DYNC1H1: variants seen among roughly 807,000 people sequenced by gnomAD.
DYNC1H1 encodes the protein cytoplasmic dynein 1 heavy chain 1.
A neutral mutation model predicts 527.1 loss-of-function variants in DYNC1H1; 51 were observed. The ratio of observed to expected loss-of-function variants is 0.10; its 90% CI spans 0.08 to 0.12. DYNC1H1 has a LOEUF of 0.12. Ranked by LOEUF, DYNC1H1 falls within the 10% of genes least tolerant of loss-of-function variation. DYNC1H1 has a pLI of 1.00. For missense variants in DYNC1H1, 2,771 were observed against 5,971.8 expected, an observed-to-expected ratio of 0.46 and a Z score of 17.66; for synonymous variants, 2,189 against 2,278.8, an observed-to-expected ratio of 0.96 and a Z score of 1.12.
intron 69 of DYNC1H1, chr14:102,043,601 T>G: frequency 2.0e-6 from 1 of 497,218 alleles, no homozygotes. Context: ...CTGTTCTATT[T>G]TGTGCCACAT....
Position 101,964,691 on chromosome 14 carries a change from C to G in DYNC1H1, c.-1C>G, listed in dbSNP as rs1406415488. On this transcript the variant is annotated 5_prime_UTR_variant, in exon 1 of 78. Coordinates refer to ENST00000360184, the MANE Select transcript of DYNC1H1 (RefSeq NM_001376.5). The surrounding 1 kb of genome is among the most constrained non-coding windows in gnomAD (Gnocchi z 5.5). ...TCCTGGAAGGTCCCGAGCGCGACAC[C>G]ATGTCGGAGCCCGGGGGCGGCGGCG... 2.5e-6 allele frequency: 4 copies of G among 1,589,554 alleles called. No homozygotes were observed. Among genetic ancestry groups the G allele is most frequent in the Non-Finnish European group, 3.4e-6 (4 of 1,173,286 alleles).
chr14:102,047,995 G>A lies in DYNC1H1; in HGVS notation c.13185G>A (p.Leu4395=). 1 of 1,612,150 alleles carries A rather than the reference G, an allele frequency of 6.2e-7. No individual in the cohort carries two copies. Among genetic ancestry groups the A allele is most frequent in the Admixed American group, 1.7e-5 (1 of 60,004 alleles). Residue 4395 remains leucine, a synonymous_variant, in exon 73 of 78, where the codon CTG becomes CTA. Coordinates refer to ENST00000360184, the MANE Select transcript of DYNC1H1 (RefSeq NM_001376.5). ...SNWLHLIPQT[L]SHLKRTVENI... The stretch of plus-strand genomic sequence containing the variant: ...GGCTGCACCTCATCCCCCAGACGCT[G>A]AGCCACCTCAAGCGCACCGTGGAGA...
At chr14:102,007,313 C>A (rs1393094438) in intron 28 of DYNC1H1, among the ~76,000 whole-genome samples, 2 of 152,158 alleles carry the variant, frequency 1.3e-5, no homozygotes, top group African/African-American at 4.8e-5. Context: ...ACTTCAGTTT[C>A]ATGTTTTCAA....
chr14:102,008,411 C>T, intron 29 of DYNC1H1, 74 bp downstream of exon 29: 1 of 1,563,930 alleles, frequency 6.4e-7, no homozygotes, highest in South Asian at 1.2e-5. Flanking sequence ...TTTTCTACCT[C>T]TTGGATTAGA....
intron 11 of DYNC1H1, among the ~76,000 whole-genome samples, chr14:101,993,444 G>T (rs1406428000): frequency 6.6e-6 from 1 of 152,170 alleles, no homozygotes; most frequent in African/African-American, 2.4e-5. Context: ...CAAAGCCCCA[G>T]TGGCTTGCTG....
In DYNC1H1 at chr14:102,017,543, A is replaced by G. The variant is rs1346629070; in HGVS notation, c.8177+39A>G. 3 of 1,603,710 alleles carry G rather than the reference A, an allele frequency of 1.9e-6. No homozygotes were observed. The highest frequency in any genetic ancestry group is 1.7e-6 in the Non-Finnish European group (2 of 1,176,922). On this transcript the variant is annotated intron_variant, in intron 40 of 77. Coordinates refer to ENST00000360184, the MANE Select transcript of DYNC1H1 (RefSeq NM_001376.5). This position sits in a 1 kb window ranked among gnomAD's most constrained non-coding sequence, Gnocchi z 4.6. Reference sequence around the variant, plus strand: ...GTAGACTGCTCTGCTTCACACACGCACAGCTCCAGGATTGCTGTAAACACA... The same window carrying G: ...GTAGACTGCTCTGCTTCACACACGCGCAGCTCCAGGATTGCTGTAAACACA...
rs554110484 is a variant in DYNC1H1, at chr14:102,002,864, C to T, written c.4782C>T (p.Ile1594=). Reference sequence around the variant, plus strand: ...CCCTTGTTATGGATGTTCTGAACATCCAGGGAGTACAGAGGTCTCTGGAAA... The same window carrying T: ...CCCTTGTTATGGATGTTCTGAACATTCAGGGAGTACAGAGGTCTCTGGAAA... ...KSPLVMDVLN[I]QGVQRSLERL... is the part of the protein sequence containing the mutation. The change falls in exon 23 of 78, where the codon ATC becomes ATT. Residue 1594 remains isoleucine, a synonymous_variant. Transcript: ENST00000360184. The surrounding 1 kb of genome is among the most constrained non-coding windows in gnomAD (Gnocchi z 4.4). The T allele has an allele frequency of 6.2e-7, 1 of 1,614,150 alleles. No individual in the cohort carries two copies. The highest frequency in any genetic ancestry group is 1.7e-5 in the Admixed American group (1 of 60,022).
chr14:102,036,481 A>G lies in DYNC1H1; in HGVS notation c.10755-8A>G. The G allele has an allele frequency of 6.2e-7, 1 of 1,613,448 alleles. No homozygotes were observed. The highest frequency in any genetic ancestry group is 8.5e-7 in the Non-Finnish European group (1 of 1,179,872). ...TTTCAACCTTCTCTTCTGTGGCCTC[A>G]TCCTCAGGTATCCGCTGATCATTGA... On this transcript the variant is annotated splice_polypyrimidine_tract_variant and splice_region_variant and intron_variant, in intron 56 of 77. Coordinates refer to ENST00000360184, the MANE Select transcript of DYNC1H1 (RefSeq NM_001376.5). The surrounding 1 kb of genome is among the most constrained non-coding windows in gnomAD (Gnocchi z 5.6).
At position 102,041,834 on chromosome 14, in the gene DYNC1H1, C is replaced by T; in HGVS notation, c.12102+100C>T. The T allele has an allele frequency of 1.3e-6, 2 of 1,580,538 alleles. No individual in the cohort carries two copies. Among genetic ancestry groups the T allele is most frequent in the South Asian group, 1.1e-5 (1 of 88,940 alleles). ...TGGCATCTGCTCTCACTCCGGGCTA[C>T]AGTCTCCTCCTAAGACCAGGAACTC... On this transcript the variant is annotated intron_variant, in intron 65 of 77. Coordinates refer to ENST00000360184, the MANE Select transcript of DYNC1H1 (RefSeq NM_001376.5). This position sits in a 1 kb window ranked among gnomAD's most constrained non-coding sequence, Gnocchi z 4.5.
chr14:101,991,479 T>G, intron 10 of DYNC1H1, 48 bp from the exon 11 acceptor site: 1 of 1,612,574 alleles, frequency 6.2e-7, no homozygotes, highest in Non-Finnish European at 8.5e-7. Flanking sequence ...AAAATTTTTT[T>G]TATTGAAAAA....
rs1414474317 is a variant in DYNC1H1 at position 102,033,247 on chromosome 14, G to A, written c.10198-22G>A. On this transcript the variant is annotated intron_variant, in intron 53 of 77. Transcript: ENST00000360184. This position sits in a 1 kb window ranked among gnomAD's most constrained non-coding sequence, Gnocchi z 5.6. ...CTCTTTTCCTGTCACTTAAATAACAGTTATCAATTGGTTCTTCCCAGCTTA... is the reference window on the plus strand; with the variant it reads ...CTCTTTTCCTGTCACTTAAATAACAATTATCAATTGGTTCTTCCCAGCTTA... 6.2e-7 allele frequency: 1 copy of A among 1,614,206 alleles called. No individual in the cohort carries two copies. The highest frequency in any genetic ancestry group is 1.1e-5 in the South Asian group (1 of 91,084).
intron 10 of DYNC1H1, among the ~76,000 whole-genome samples, chr14:101,990,738 C>T (rs1366397731): frequency 2.6e-5 from 4 of 151,874 alleles, no homozygotes; most frequent in Non-Finnish European, 5.9e-5. Flanking sequence ...AGGCCGGGCG[C>T]GGTGGCTCAT....
intron 51 of DYNC1H1, 35 bp downstream of exon 51, chr14:102,030,317 A>G (rs771161996): frequency 6.8e-6 from 11 of 1,613,890 alleles, no homozygotes; most frequent in Non-Finnish European, 7.6e-6. Context: ...GATGTCTAGG[A>G]AGGGTGGTCT....
chr14:101,987,210 A>G (rs1367243584), intron 8 of DYNC1H1, among the ~76,000 whole-genome samples: 1 of 152,164 alleles, frequency 6.6e-6, no homozygotes, highest in Non-Finnish European at 1.5e-5. Flanking sequence ...ATCAGAGGCC[A>G]CCTCTCCCAT....
At chr14:101,977,814 A>G (rs535381752) in intron 2 of DYNC1H1, among the ~76,000 whole-genome samples, 3 of 152,234 alleles carry the variant, frequency 2.0e-5, no homozygotes, top group African/African-American at 4.8e-5. Flanking sequence ...CAGAAATACT[A>G]TTGTGACTTC....
intron 15 of DYNC1H1, among the ~76,000 whole-genome samples, chr14:101,996,698 T>G (rs1286885894): frequency 6.6e-6 from 1 of 152,188 alleles, no homozygotes; most frequent in African/African-American, 2.4e-5. Context: ...CCTAGCTCAC[T>G]GCAGCCTCAA....
chr14:102,039,513 G>A lies in DYNC1H1; in HGVS notation c.11562G>A (p.Gln3854=), dbSNP rs375751871. Residue 3854 remains glutamine, a synonymous_variant, in exon 61 of 78, where the codon CAG becomes CAA. Transcript: ENST00000360184. The surrounding 1 kb of genome is among the most constrained non-coding windows in gnomAD (Gnocchi z 7.0). ...PNLKGVTDHT[Q]RLSIITKDLF... ...TGAAGGGTGTCACCGACCACACACA[G>A]CGCCTGTCCATTATAACAAAGGACC... 4 of 1,614,112 alleles carry A rather than the reference G, an allele frequency of 2.5e-6. No individual in the cohort carries two copies. In the African/African-American group the frequency reaches 4.0e-5, roughly 16 times the overall value.
chr14:102,023,010 C>G, intron 43 of DYNC1H1, 130 bp downstream of exon 43: 1 of 1,443,978 alleles, frequency 6.9e-7, no homozygotes, highest in Non-Finnish European at 9.4e-7. Context: ...CACCTGTAAT[C>G]CCAGCACTTT....
intron 1 of DYNC1H1, among the ~76,000 whole-genome samples, chr14:101,970,486 T>TG (rs2047723462): frequency 8.0e-6 from 1 of 124,636 alleles, no homozygotes; most frequent in Admixed American, 7.7e-5. Context: ...TTTTTTTTTT[T>TG]TTTTTTTTTT....
Sources: allele counts gnomAD v4.1 joint callset (sites outside exome capture counted in the v4.1 genomes callset), GRCh38; gene constraint gnomAD v4.1.1; non-coding constraint Gnocchi (gnomAD v3.1); transcripts MANE v1.5; gene names NCBI Gene and HGNC (gene_info 2026-07-23, HGNC 2026-07-21).